The following GRID2 variants were observed in gnomAD, a reference collection of about 807,000 sequenced individuals.
The protein encoded by GRID2 is glutamate receptor ionotropic, delta-2.
In GRID2, 33 loss-of-function variants were observed where a neutral mutation model predicts 114.8. The ratio of observed to expected loss-of-function variants is 0.29; its 90% CI spans 0.22 to 0.38. The LOEUF (loss-of-function observed/expected upper bound fraction) is 0.38. GRID2 is among the 10% of genes least tolerant of loss of function. The probability of loss-of-function intolerance (pLI) is 1.00; values close to 1 mark genes in which losing one functional copy is unlikely to be tolerated. For synonymous variants in GRID2, 505 were observed against 449.9 expected, an observed-to-expected ratio of 1.12 and a Z score of -1.55; for missense variants, 1,184 against 1,257.7, an observed-to-expected ratio of 0.94 and a Z score of 0.89.
intron 2 of GRID2, among the ~76,000 whole-genome samples, chr4:92,766,263 G>T (rs1185184589): frequency 1.3e-5 from 2 of 152,136 alleles, no homozygotes; most frequent in Non-Finnish European, 2.9e-5. Context: ...TTTTAGCTGG[G>T]TGCGGTGGCT....
intron 8 of GRID2, among the ~76,000 whole-genome samples, chr4:93,321,740 T>G (rs1408697570): frequency 6.6e-6 from 1 of 151,974 alleles, no homozygotes; most frequent in Non-Finnish European, 1.5e-5. Context: ...CTAAATATCT[T>G]TCAGATGGAA....
At chr4:93,317,105 A>G (rs1018110977) in intron 8 of GRID2, among the ~76,000 whole-genome samples, 8 of 152,058 alleles carry the variant, frequency 5.3e-5, no homozygotes, top group African/African-American at 1.7e-4. Context: ...TAATTACCGA[A>G]TGTGGGCTTT....
intron 1 of GRID2, among the ~76,000 whole-genome samples, chr4:92,468,511 A>T (rs1721864825): frequency 6.6e-6 from 1 of 152,058 alleles, no homozygotes; most frequent in Admixed American, 6.6e-5. Context: ...TGAAATATTT[A>T]TTTATTTTTA....
At chr4:92,545,359 G>T (rs143519274) in intron 1 of GRID2, among the ~76,000 whole-genome samples, 155 of 152,234 alleles carry the variant, frequency 1.0e-3, no homozygotes, top group African/African-American at 3.1e-3. Flanking sequence ...GCTGTTCTAA[G>T]CAAGGTAATT....
intron 2 of GRID2, among the ~76,000 whole-genome samples, chr4:92,700,697 A>C (rs1734631456): frequency 6.6e-6 from 1 of 152,182 alleles, no homozygotes; most frequent in Non-Finnish European, 1.5e-5. Flanking sequence ...TAGTTAACAA[A>C]AACATACATT....
intron 2 of GRID2, among the ~76,000 whole-genome samples, chr4:92,786,254 T>G (rs1214122618): frequency 2.6e-5 from 4 of 151,904 alleles, no homozygotes; most frequent in African/African-American, 9.7e-5. Flanking sequence ...ACATGGACCC[T>G]AGTTTAAATA....
intron 4 of GRID2, among the ~76,000 whole-genome samples, chr4:93,176,911 G>C (rs1285149726): frequency 6.6e-6 from 1 of 152,178 alleles, no homozygotes; most frequent in Non-Finnish European, 1.5e-5. Flanking sequence ...TGAAATCCAT[G>C]TGTATTTCCG....
intron 1 of GRID2, among the ~76,000 whole-genome samples, chr4:92,408,473 G>GT (rs1194014576): frequency 3.6e-5 from 2 of 55,666 alleles, no homozygotes; most frequent in East Asian, 6.0e-4. Context: ...TGCTGTTGTT[G>GT]TTTTAAATGA....
chr4:93,725,374 A>G, intron 14 of GRID2, among the ~76,000 whole-genome samples: 1 of 152,200 alleles, frequency 6.6e-6, no homozygotes, highest in East Asian at 1.9e-4. Flanking sequence ...TTCTTAATCC[A>G]GTCCATCCTT....
chr4:93,266,034 A>G (rs1750789413), intron 8 of GRID2, among the ~76,000 whole-genome samples: 1 of 152,118 alleles, frequency 6.6e-6, no homozygotes, highest in Non-Finnish European at 1.5e-5. Context: ...CTCTAATAGG[A>G]CACTATTCCA....
At chr4:92,345,987 C>T (rs963166784) in intron 1 of GRID2, among the ~76,000 whole-genome samples, 1 of 152,056 alleles carries the variant, frequency 6.6e-6, no homozygotes, top group African/African-American at 2.4e-5. Context: ...TGTTTATGTA[C>T]CTCACTTTAC....
intron 2 of GRID2, among the ~76,000 whole-genome samples, chr4:92,749,324 T>C (rs1236146409): frequency 7.1e-6 from 1 of 141,348 alleles, no homozygotes; most frequent in African/African-American, 2.7e-5. Context: ...TTTTTTTTTT[T>C]TTTTTTTTGA....
intron 13 of GRID2, among the ~76,000 whole-genome samples, chr4:93,594,792 T>C (rs1259540397): frequency 6.6e-6 from 1 of 152,214 alleles, no homozygotes; most frequent in Non-Finnish European, 1.5e-5. Flanking sequence ...AAGCGCAGTA[T>C]TCGGGTGGGA....
At chr4:93,612,383 G>A (rs958194067) in intron 13 of GRID2, among the ~76,000 whole-genome samples, 6 of 149,240 alleles carry the variant, frequency 4.0e-5, no homozygotes, top group African/African-American at 1.5e-4. Context: ...TTGCTTGTTA[G>A]TTGATGCAGT....
intron 10 of GRID2, 55 bp downstream of exon 10, chr4:93,423,023 A>T (rs1768456409): frequency 8.2e-7 from 1 of 1,221,292 alleles, no homozygotes; most frequent in African/African-American, 1.5e-5. Flanking sequence ...TATTTGTCTC[A>T]TACCTAAAGG....
At position 93,113,845 on chromosome 4, in the gene GRID2, G is replaced by A. The variant is rs1005408413; in HGVS notation, c.735+2892G>A. Among the ~76,000 whole-genome samples the A allele has an allele frequency of 5.3e-5, 8 of 152,108 alleles. 1 individual carries two copies. The highest frequency in any genetic ancestry group is 1.2e-4 in the Non-Finnish European group (8 of 68,020). ...ATGTGGATTGGATCAGGCAGAAAAGGGTGGGAAGAACATTCTAAGCAGCAG... is the reference window on the plus strand; with the variant it reads ...ATGTGGATTGGATCAGGCAGAAAAGAGTGGGAAGAACATTCTAAGCAGCAG... On this transcript the variant is annotated intron_variant, in intron 4 of 15. Coordinates refer to ENST00000282020, the MANE Select transcript of GRID2 (RefSeq NM_001510.4).
rs17019463 is a variant in GRID2, at chr4:92,535,256, T to C, written c.89-54875T>C. Among the ~76,000 whole-genome samples the C allele has an allele frequency of 5.5e-3, 843 of 152,288 alleles. 5 individuals are homozygous for C. The highest frequency in any genetic ancestry group is 0.019 in the African/African-American group (800 of 41,572). On this transcript the variant is annotated intron_variant, in intron 1 of 15. Transcript: ENST00000282020. ...GGTGTTTTATAATTAAGTAATTAAATATAAGCGTAACTTTTAAGTGTTGTT... is the reference window on the plus strand; with the variant it reads ...GGTGTTTTATAATTAAGTAATTAAACATAAGCGTAACTTTTAAGTGTTGTT...
At chr4:92,484,298 C>T (rs1722760889) in intron 1 of GRID2, among the ~76,000 whole-genome samples, 1 of 152,086 alleles carries the variant, frequency 6.6e-6, no homozygotes. Flanking sequence ...ATCCAAGCTG[C>T]ATAATGATTC....
intron 2 of GRID2, among the ~76,000 whole-genome samples, chr4:93,019,157 A>G (rs1282796922): frequency 2.0e-5 from 3 of 152,132 alleles, no homozygotes; most frequent in African/African-American, 4.8e-5. Context: ...AGGATCTAAA[A>G]GTCTCCATGA....
Sources: gnomAD v4.1 joint callset for allele counts (sites outside exome capture counted in the v4.1 genomes callset) on GRCh38, gnomAD v4.1.1 for gene constraint, MANE v1.5 for transcripts, NCBI Gene and HGNC (gene_info 2026-07-23, HGNC 2026-07-21) for gene names.